The following TGFBR1 variants were observed in gnomAD, a reference collection of about 807,000 sequenced individuals.
TGFBR1 encodes transforming growth factor beta receptor 1, also known as TGF-beta receptor type-1.
In TGFBR1, 20 loss-of-function variants were observed where a neutral mutation model predicts 55.1. The ratio of observed to expected loss-of-function variants is 0.36; its 90% CI spans 0.26 to 0.53. The LOEUF (loss-of-function observed/expected upper bound fraction) is 0.53, where lower values mean the gene tolerates loss of function less well. Among genes scored for constraint, TGFBR1 ranks in the 20% least tolerant of loss-of-function variants. TGFBR1 has a pLI of 0.91. For synonymous variants in TGFBR1, 220 were observed against 214.8 expected (o/e 1.02, Z -0.21); for missense variants, 385 against 617.6 (o/e 0.62, Z 3.99).
chr9:99,134,805 TATATATATATATATATATA>T lies in TGFBR1; in HGVS notation c.574+2067_574+2085del, dbSNP rs1827373439. ...CAATGGAATAATTCTGTTTCCATTATATATATATATATATATATATATATATATATATATATATATATAT... is the reference window on the plus strand; with the variant it reads ...CAATGGAATAATTCTGTTTCCATTATTATATATATATATATATATATATAT... On this transcript the variant is annotated intron_variant, in intron 3 of 8. Coordinates refer to ENST00000374994, the MANE Select transcript of TGFBR1 (RefSeq NM_004612.4). Among the ~76,000 whole-genome samples, 193 of 31,796 alleles carry T rather than the reference TATATATATATATATATATA, an allele frequency of 6.1e-3. 9 individuals are homozygous for T. The highest frequency in any genetic ancestry group is 0.044 in the East Asian group (68 of 1,532). 20.9% of individuals were successfully genotyped at this position (31,796 alleles called of 152,430 possible). A position where few individuals can be genotyped will look rare whatever the true frequency, so the allele number is the denominator to read the frequency against.
chr9:99,105,008 C>A (rs986380909), upstream of TGFBR1: 3 of 335,228 alleles, frequency 8.9e-6, no homozygotes, highest in Non-Finnish European at 1.3e-5. Context: ...GGCTGGGTCC[C>A]GCTTGGCAGC....
At chr9:99,130,133 T>G (rs537542278) in intron 2 of TGFBR1, among the ~76,000 whole-genome samples, 5 of 152,298 alleles carry the variant, frequency 3.3e-5, no homozygotes, top group African/African-American at 1.2e-4. Flanking sequence ...TGTGAGGAAC[T>G]TCTGCAATTT....
At chr9:99,136,642 T>C (rs1395881805) in intron 3 of TGFBR1, among the ~76,000 whole-genome samples, 1 of 152,168 alleles carries the variant, frequency 6.6e-6, no homozygotes, top group Non-Finnish European at 1.5e-5. Context: ...TACTGCTAAC[T>C]ACTTTACAGG....
At chr9:99,137,306 T>TA (rs1312590325) in intron 3 of TGFBR1, among the ~76,000 whole-genome samples, 1 of 152,240 alleles carries the variant, frequency 6.6e-6, no homozygotes, top group Non-Finnish European at 1.5e-5. Context: ...GTGAAACTGT[T>TA]ACGAGATTCA....
At chr9:99,120,750 G>C (rs1023649522) in intron 1 of TGFBR1, among the ~76,000 whole-genome samples, 4 of 152,164 alleles carry the variant, frequency 2.6e-5, no homozygotes, top group African/African-American at 9.7e-5. Flanking sequence ...ACAACTGTAA[G>C]TAGTAGAATT....
intron 1 of TGFBR1, among the ~76,000 whole-genome samples, chr9:99,122,350 T>C (rs1381884732): frequency 5.9e-5 from 9 of 152,152 alleles, no homozygotes; most frequent in East Asian, 1.9e-4. Flanking sequence ...CACAACTGTT[T>C]ACCTCTCAGC....
At chr9:99,116,199 A>G (rs1826732463) in intron 1 of TGFBR1, among the ~76,000 whole-genome samples, 1 of 151,664 alleles carries the variant, frequency 6.6e-6, no homozygotes, top group Non-Finnish European at 1.5e-5. Context: ...AAGGCCACAT[A>G]AGTATTTTAT....
At chr9:99,137,018 G>GT (rs1202831359) in intron 3 of TGFBR1, among the ~76,000 whole-genome samples, 1 of 152,112 alleles carries the variant, frequency 6.6e-6, no homozygotes, top group Admixed American at 6.5e-5. Flanking sequence ...AATGTTGCAG[G>GT]TAAGTTAGTA....
intron 1 of TGFBR1, chr9:99,127,816 A>G (rs540563402): frequency 2.4e-4 from 99 of 406,282 alleles, no homozygotes; most frequent in South Asian, 1.6e-3. Context: ...GTGCTTTGCA[A>G]TTTCATGTGA....
intron 1 of TGFBR1, among the ~76,000 whole-genome samples, chr9:99,116,441 T>G (rs1437641512): frequency 6.6e-6 from 1 of 152,218 alleles, no homozygotes; most frequent in East Asian, 1.9e-4. Flanking sequence ...TCCATCTGAT[T>G]TAGCTTAGTC....
intron 5 of TGFBR1, among the ~76,000 whole-genome samples, chr9:99,143,310 T>A (rs1029778923): frequency 2.0e-5 from 3 of 152,212 alleles, no homozygotes; most frequent in Non-Finnish European, 4.4e-5. Flanking sequence ...TATATTTTTA[T>A]GTGTAGTATC....
upstream of TGFBR1, among the ~76,000 whole-genome samples, chr9:99,104,350 G>A (rs1367330746): frequency 6.6e-6 from 1 of 152,156 alleles, no homozygotes; most frequent in East Asian, 1.9e-4. Flanking sequence ...GAGGAGTGCG[G>A]CTTGGATCCC....
intron 1 of TGFBR1, among the ~76,000 whole-genome samples, chr9:99,117,245 G>C (rs1391038095): frequency 7.3e-6 from 1 of 137,036 alleles, no homozygotes; most frequent in Non-Finnish European, 1.5e-5. Flanking sequence ...CTGCCACCAC[G>C]CCTGGCTATT....
At chr9:99,121,092 A>G (rs1012022688) in intron 1 of TGFBR1, among the ~76,000 whole-genome samples, 5 of 152,234 alleles carry the variant, frequency 3.3e-5, no homozygotes, top group Admixed American at 1.3e-4. Context: ...ATGATAAACA[A>G]TGCATCTTAA....
At chr9:99,113,594 G>T (rs993251228) in intron 1 of TGFBR1, among the ~76,000 whole-genome samples, 1 of 152,210 alleles carries the variant, frequency 6.6e-6, no homozygotes, top group African/African-American at 2.4e-5. Flanking sequence ...CTTTTCAAAA[G>T]AGGATAGTTC....
In TGFBR1 at chr9:99,149,469, C is replaced by A; in HGVS notation, c.*164C>A. ...AAAAACTTCCCAGGATTTCTTTGGA[C>A]CCAGGAAACAGCCATGTGGGTCCTT... On this transcript the variant is annotated 3_prime_UTR_variant, in exon 9 of 9. Coordinates refer to ENST00000374994, the MANE Select transcript of TGFBR1 (RefSeq NM_004612.4). The A allele has an allele frequency of 2.1e-6, 2 of 943,132 alleles. No individual in the cohort carries two copies. Among genetic ancestry groups the A allele is most frequent in the South Asian group, 1.5e-5 (1 of 66,544 alleles). The allele number at this position is 943,132 out of a possible 1,614,324, so 58.4% of individuals were successfully genotyped here. A position where few individuals can be genotyped will look rare whatever the true frequency, so the allele number is the denominator to read the frequency against.
chr9:99,136,932 T>C (rs572688533), intron 3 of TGFBR1, among the ~76,000 whole-genome samples: 1 of 152,250 alleles, frequency 6.6e-6, no homozygotes, highest in South Asian at 2.1e-4. Flanking sequence ...TTTGTTAGTG[T>C]CAATGTAATT....
At chr9:99,142,813 C>A in intron 5 of TGFBR1, 110 bp downstream of exon 5, 1 of 1,261,140 alleles carries the variant, frequency 7.9e-7, no homozygotes, top group Non-Finnish European at 1.1e-6. Flanking sequence ...AATCCCAGCA[C>A]TTTGGGAGGC....
chr9:99,125,838 A>G (rs1827025139), intron 1 of TGFBR1, among the ~76,000 whole-genome samples: 2 of 152,044 alleles, frequency 1.3e-5, no homozygotes, highest in South Asian at 4.1e-4. Flanking sequence ...TTCTCCCAGC[A>G]TATTTGGGAG....
Sources: gnomAD v4.1 joint callset for allele counts (sites outside exome capture counted in the v4.1 genomes callset) on GRCh38, gnomAD v4.1.1 for gene constraint, MANE v1.5 for transcripts, NCBI Gene and HGNC (gene_info 2026-07-23, HGNC 2026-07-21) for gene names.